Variants in DDC observed in about 807,000 individuals in gnomAD.
DDC encodes aromatic-L-amino-acid decarboxylase.
A neutral mutation model predicts 60.0 loss-of-function variants in DDC; 43 were observed. The ratio of observed to expected loss-of-function variants is 0.72; its 90% CI spans 0.56 to 0.92. The LOEUF is 0.92. Ranked by LOEUF, DDC falls within the 40% of genes least tolerant of loss-of-function variation. DDC has a pLI of 0.00. For missense variants in DDC, 573 were observed against 620.2 expected (o/e 0.92, Z 0.81); for synonymous variants, 232 against 234.6 (o/e 0.99, Z 0.10).
intron 12 of DDC, 87 bp from the exon 13 acceptor site, chr7:50,467,402 T>C (rs2153533821): frequency 3.6e-6 from 4 of 1,100,938 alleles, no homozygotes; most frequent in Non-Finnish European, 5.5e-6. Context: ...AGACTGCCCA[T>C]GTATAATTCA....
intron 4 of DDC, among the ~76,000 whole-genome samples, chr7:50,532,156 T>C (rs1391250465): frequency 6.6e-6 from 1 of 152,172 alleles, no homozygotes; most frequent in Non-Finnish European, 1.5e-5. Context: ...TCACAGGCTG[T>C]CACCAGGCTC....
chr7:50,491,560 G>A (rs2042998094), intron 9 of DDC, among the ~76,000 whole-genome samples: 1 of 152,048 alleles, frequency 6.6e-6, no homozygotes, highest in Non-Finnish European at 1.5e-5. Context: ...TAAAAACTTG[G>A]TGCCTCAATT....
intron 14 of DDC, among the ~76,000 whole-genome samples, chr7:50,462,118 C>G (rs2042286082): frequency 6.6e-6 from 1 of 150,836 alleles, no homozygotes; most frequent in Non-Finnish European, 1.5e-5. Flanking sequence ...TCTAAATCCC[C>G]CACGGGTTAT....
chr7:50,543,008 C>T (rs1473558660), intron 2 of DDC: 2 of 152,396 alleles, frequency 1.3e-5, no homozygotes, highest in Non-Finnish European at 2.9e-5. Context: ...CTATGAAAAT[C>T]ACATGTCGTT....
intron 6 of DDC, among the ~76,000 whole-genome samples, chr7:50,521,071 C>T (rs565184797): frequency 6.6e-6 from 1 of 151,776 alleles, no homozygotes; most frequent in Admixed American, 6.6e-5. Context: ...AACATTTATA[C>T]AGGTTAAGAA....
At chr7:50,473,821 C>G (rs1029415638) in intron 11 of DDC, among the ~76,000 whole-genome samples, 2 of 152,254 alleles carry the variant, frequency 1.3e-5, no homozygotes, top group Non-Finnish European at 2.9e-5. Context: ...GGGGCATGTC[C>G]TCTTGGGCCA....
intron 1 of DDC, among the ~76,000 whole-genome samples, chr7:50,562,742 C>T (rs1414215072): frequency 1.3e-5 from 2 of 152,188 alleles, no homozygotes; most frequent in East Asian, 1.9e-4. Context: ...ACCCTGCACA[C>T]GGCTTGGGCT....
chr7:50,561,464 C>A (rs2045343274), intron 1 of DDC, among the ~76,000 whole-genome samples: 1 of 152,226 alleles, frequency 6.6e-6, no homozygotes, highest in Admixed American at 6.5e-5. Flanking sequence ...ACTATTAGGA[C>A]CCTGTGATAC....
intron 10 of DDC, among the ~76,000 whole-genome samples, chr7:50,478,080 C>CTGTA (rs1321975932): frequency 6.6e-6 from 1 of 151,634 alleles, no homozygotes; most frequent in Non-Finnish European, 1.5e-5. Context: ...GGGCCTTGTG[C>CTGTA]TGTACGTCTG....
intron 4 of DDC, among the ~76,000 whole-genome samples, chr7:50,534,612 T>A (rs201051304): frequency 1.6e-4 from 24 of 148,574 alleles, no homozygotes; most frequent in African/African-American, 2.7e-4. Context: ...CAAGACAAAA[T>A]AAAAAAAAAA....
chr7:50,525,160 G>A (rs1035336969), intron 6 of DDC, among the ~76,000 whole-genome samples: 6 of 152,198 alleles, frequency 3.9e-5, no homozygotes, highest in African/African-American at 1.4e-4. Context: ...AAACATATCA[G>A]TGATTGCCAA....
chr7:50,536,824 G>A (rs943001558), intron 4 of DDC, among the ~76,000 whole-genome samples: 6 of 152,234 alleles, frequency 3.9e-5, no homozygotes, highest in African/African-American at 1.2e-4. Context: ...TCTGCACAAA[G>A]GTGTTCTCCA....
intron 11 of DDC, among the ~76,000 whole-genome samples, chr7:50,474,844 A>C (rs1226526180): frequency 6.6e-6 from 1 of 152,210 alleles, no homozygotes; most frequent in Non-Finnish European, 1.5e-5. Context: ...AAAATTAAAA[A>C]ATAATAAAAT....
At chr7:50,540,937 C>T (rs1357513240) in intron 2 of DDC, among the ~76,000 whole-genome samples, 2 of 152,150 alleles carry the variant, frequency 1.3e-5, no homozygotes, top group Non-Finnish European at 2.9e-5. Context: ...TCTGGGAGGA[C>T]GATCAGGGGA....
intron 1 of DDC, among the ~76,000 whole-genome samples, chr7:50,559,432 T>C (rs909842004): frequency 1.7e-4 from 21 of 126,426 alleles, no homozygotes; most frequent in Non-Finnish European, 3.0e-4. Flanking sequence ...ACATTTCTTT[T>C]TTTTTTTTTT....
chr7:50,561,846 G>A (rs530889666), intron 1 of DDC, among the ~76,000 whole-genome samples: 4 of 152,080 alleles, frequency 2.6e-5, no homozygotes, highest in East Asian at 1.9e-4. Flanking sequence ...CCCCTGCCCC[G>A]ACCACACACA....
At chr7:50,492,449 G>A (rs566654656) in intron 9 of DDC, among the ~76,000 whole-genome samples, 5 of 152,152 alleles carry the variant, frequency 3.3e-5, no homozygotes, top group African/African-American at 1.2e-4. Context: ...AGAACGCACC[G>A]GCTCAGGAGA....
At chr7:50,545,981 G>A (rs937314627) in intron 1 of DDC, among the ~76,000 whole-genome samples, 21 of 152,114 alleles carry the variant, frequency 1.4e-4, no homozygotes, top group African/African-American at 4.8e-4. Context: ...ATGAGGAAAT[G>A]GAAGCTCAGA....
intron 9 of DDC, among the ~76,000 whole-genome samples, chr7:50,490,709 C>T (rs188267046): frequency 1.3e-3 from 196 of 152,272 alleles, no homozygotes; most frequent in African/African-American, 4.1e-3. Flanking sequence ...ACAACAACAA[C>T]AAAAGCTCTA....
Sources: gnomAD v4.1 joint callset for allele counts (sites outside exome capture counted in the v4.1 genomes callset) on GRCh38, gnomAD v4.1.1 for gene constraint, MANE v1.5 for transcripts, NCBI Gene and HGNC (gene_info 2026-07-23, HGNC 2026-07-21) for gene names.